The following ZNF804B variants were observed in gnomAD, a reference collection of about 807,000 sequenced individuals.
The protein encoded by ZNF804B is zinc finger protein 804B, also known as zinc finger 804B.
In ZNF804B, 80 loss-of-function variants were observed where a neutral mutation model predicts 101.4. That is an observed-to-expected ratio of 0.79 (90% CI 0.66 to 0.95). The LOEUF (loss-of-function observed/expected upper bound fraction) is 0.95, where lower values mean the gene tolerates loss of function less well. ZNF804B is among the 40% of genes least tolerant of loss of function. The pLI, the probability that ZNF804B is intolerant of heterozygous loss-of-function variation, is 0.00. For synonymous variants in ZNF804B, 622 were observed against 558.8 expected (o/e 1.11, Z -1.59); for missense variants, 1,673 against 1,561.9 (o/e 1.07, Z -1.20).
chr7:89,046,143 T>C (rs930973600), intron 1 of ZNF804B, among the ~76,000 whole-genome samples: 1 of 151,800 alleles, frequency 6.6e-6, no homozygotes, highest in African/African-American at 2.4e-5. Flanking sequence ...GCACTTCTCC[T>C]TCCTGCCATC....
At chr7:89,281,092 T>C (rs1159758614) in intron 2 of ZNF804B, among the ~76,000 whole-genome samples, 2 of 152,208 alleles carry the variant, frequency 1.3e-5, no homozygotes, top group African/African-American at 2.4e-5. Flanking sequence ...TCATATCATA[T>C]ATCCTGTTGT....
chr7:88,929,800 A>G (rs533327643), intron 1 of ZNF804B, among the ~76,000 whole-genome samples: 3 of 152,006 alleles, frequency 2.0e-5, no homozygotes, highest in Non-Finnish European at 4.4e-5. Context: ...AAGGTATTAC[A>G]ATTTTGTGAT....
intron 1 of ZNF804B, among the ~76,000 whole-genome samples, chr7:88,781,795 G>A (rs1352950772): frequency 6.6e-6 from 1 of 152,060 alleles, no homozygotes; most frequent in Non-Finnish European, 1.5e-5. Context: ...GTGTGAGTAG[G>A]TTCCTTTGAA....
chr7:89,190,810 C>G (rs1392998573), intron 1 of ZNF804B, among the ~76,000 whole-genome samples: 1 of 152,098 alleles, frequency 6.6e-6, no homozygotes, highest in Non-Finnish European at 1.5e-5. Flanking sequence ...CCTCCCTCAG[C>G]AAAAAGATTT....
In ZNF804B at chr7:89,337,041, A is replaced by G. The variant is rs372216501; in HGVS notation, c.*9A>G. ...CCACACACTTGAACTAATAAGTGTTAAAGCCCCTCCTGTGGATAATTTTTT... is the reference window on the plus strand; with the variant it reads ...CCACACACTTGAACTAATAAGTGTTGAAGCCCCTCCTGTGGATAATTTTTT... On this transcript the variant is annotated 3_prime_UTR_variant, in exon 4 of 4. Transcript: ENST00000333190. 6.9e-6 allele frequency: 11 copies of G among 1,604,192 alleles called. No homozygotes were observed. Among genetic ancestry groups the G allele is most frequent in the African/African-American group, 1.3e-5 (1 of 74,568 alleles).
intron 2 of ZNF804B, among the ~76,000 whole-genome samples, chr7:89,295,591 A>G (rs759645349): frequency 1.3e-5 from 2 of 152,072 alleles, no homozygotes; most frequent in Non-Finnish European, 2.9e-5. Context: ...TCAATAATTT[A>G]TATTTTATAA....
intron 1 of ZNF804B, among the ~76,000 whole-genome samples, chr7:89,041,314 C>A (rs35451677): frequency 0.018 from 2,771 of 152,278 alleles, 37 homozygotes; most frequent in East Asian, 0.028. Flanking sequence ...CCTGGTAGGC[C>A]TGCTACCTGT....
At chr7:88,870,395 A>G (rs1397943670) in intron 1 of ZNF804B, among the ~76,000 whole-genome samples, 3 of 146,022 alleles carry the variant, frequency 2.1e-5, no homozygotes, top group Admixed American at 2.0e-4. Context: ...AAAAAAAAAA[A>G]AAAAAAAAAA....
At chr7:89,268,492 C>T (rs1362022263) in intron 2 of ZNF804B, among the ~76,000 whole-genome samples, 2 of 152,012 alleles carry the variant, frequency 1.3e-5, no homozygotes, top group African/African-American at 4.8e-5. Flanking sequence ...TTAAACTATT[C>T]CAACAGCTTT....
chr7:89,034,749 C>A (rs556637583), intron 1 of ZNF804B, among the ~76,000 whole-genome samples: 21 of 152,154 alleles, frequency 1.4e-4, no homozygotes, highest in African/African-American at 5.1e-4. Context: ...GATTTATAAT[C>A]CTTTGGGTGT....
At chr7:88,946,001 G>T (rs1418257674) in intron 1 of ZNF804B, among the ~76,000 whole-genome samples, 1 of 152,028 alleles carries the variant, frequency 6.6e-6, no homozygotes, top group Non-Finnish European at 1.5e-5. Flanking sequence ...TGAGATGACA[G>T]GGTTTTCTAA....
intron 1 of ZNF804B, among the ~76,000 whole-genome samples, chr7:89,163,689 A>G (rs922313526): frequency 6.6e-6 from 1 of 152,138 alleles, no homozygotes; most frequent in African/African-American, 2.4e-5. Context: ...ATTTTTAATA[A>G]TTTATGAATT....
intron 1 of ZNF804B, among the ~76,000 whole-genome samples, chr7:88,833,920 C>A (rs554503279): frequency 6.6e-6 from 1 of 151,754 alleles, no homozygotes; most frequent in Non-Finnish European, 1.5e-5. Context: ...AAACACTATT[C>A]AGAAAATGAG....
chr7:89,074,247 C>T (rs1444515049), intron 1 of ZNF804B, among the ~76,000 whole-genome samples: 1 of 152,148 alleles, frequency 6.6e-6, no homozygotes, highest in Non-Finnish European at 1.5e-5. Flanking sequence ...CCCTCTCTTT[C>T]TAGGAGAAAA....
rs938753528 is a variant in ZNF804B, at chr7:89,223,561, T to C, written c.249+5266T>C. On this transcript the variant is annotated intron_variant, in intron 2 of 3. Transcript: ENST00000333190. ...GATACATATATTTAAATGAATTCCA[T>C]TGGAGCTTTAAAAATATTTTTCTAT... is the stretch of plus-strand genomic sequence containing the variant. Among the ~76,000 whole-genome samples, 15 of 151,782 alleles carry C rather than the reference T, an allele frequency of 9.9e-5. No homozygotes were observed. The East Asian group carries it at 1.5e-3, about 16-fold the overall frequency.
At chr7:89,300,248 T>C (rs1253955507) in intron 2 of ZNF804B, among the ~76,000 whole-genome samples, 1 of 151,806 alleles carries the variant, frequency 6.6e-6, no homozygotes, top group Non-Finnish European at 1.5e-5. Flanking sequence ...ATAATTCAAG[T>C]TATTTCTGTC....
chr7:89,282,201 A>AC (rs1242368511), intron 2 of ZNF804B, among the ~76,000 whole-genome samples: 2 of 148,424 alleles, frequency 1.3e-5, no homozygotes, highest in Admixed American at 6.8e-5. Flanking sequence ...ACTCCGTCTA[A>AC]AAAAAAAAAA....
chr7:89,080,050 C>A (rs545168640), intron 1 of ZNF804B, among the ~76,000 whole-genome samples: 7 of 151,442 alleles, frequency 4.6e-5, no homozygotes, highest in Non-Finnish European at 7.4e-5. Context: ...ACACAACCTA[C>A]TAGAATGAAA....
At chr7:89,274,024 A>T (rs1404624844) in intron 2 of ZNF804B, among the ~76,000 whole-genome samples, 1 of 152,016 alleles carries the variant, frequency 6.6e-6, no homozygotes, top group East Asian at 1.9e-4. Flanking sequence ...GAGTAGACAT[A>T]CTAAAAATCC....
Sources: allele counts gnomAD v4.1 joint callset (sites outside exome capture counted in the v4.1 genomes callset), GRCh38; gene constraint gnomAD v4.1.1; transcripts MANE v1.5; gene names NCBI Gene and HGNC (gene_info 2026-07-23, HGNC 2026-07-21).